The following FBXL7 variants were observed in gnomAD, a reference collection of about 807,000 sequenced individuals.
FBXL7 encodes F-box/LRR-repeat protein 7.
A neutral mutation model predicts 38.3 loss-of-function variants in FBXL7; 12 were observed. The ratio of observed to expected loss-of-function variants is 0.31; its 90% CI spans 0.20 to 0.51. The LOEUF is 0.51. FBXL7 is among the 20% of genes least tolerant of loss of function. The pLI, the probability that FBXL7 is intolerant of heterozygous loss-of-function variation, is 0.98. For synonymous variants in FBXL7, 297 were observed against 300.9 expected (o/e 0.99, Z 0.13); for missense variants, 567 against 676.4 (o/e 0.84, Z 1.79).
chr5:15,733,250 G>A, intron 2 of FBXL7, among the ~76,000 whole-genome samples: 1 of 151,986 alleles, frequency 6.6e-6, no homozygotes, highest in South Asian at 2.1e-4. Flanking sequence ...CCGCCACCAC[G>A]CCCGGCTAAT....
At chr5:15,869,644 G>A (rs779398116) in intron 2 of FBXL7, among the ~76,000 whole-genome samples, 3 of 151,990 alleles carry the variant, frequency 2.0e-5, no homozygotes, top group Non-Finnish European at 4.4e-5. Context: ...TTTGTTCGCC[G>A]CTGTATCCCC....
intron 2 of FBXL7, among the ~76,000 whole-genome samples, chr5:15,733,419 C>T (rs1735666221): frequency 6.6e-6 from 1 of 152,102 alleles, no homozygotes; most frequent in Non-Finnish European, 1.5e-5. Context: ...AACACAATTA[C>T]AAGAAGAAAA....
chr5:15,715,056 G>C (rs1007706892), intron 2 of FBXL7, among the ~76,000 whole-genome samples: 1 of 152,062 alleles, frequency 6.6e-6, no homozygotes, highest in African/African-American at 2.4e-5. Context: ...CCAACACCTT[G>C]ATTTTAGGAT....
At chr5:15,705,637 A>G (rs1296144915) in intron 2 of FBXL7, among the ~76,000 whole-genome samples, 1 of 152,184 alleles carries the variant, frequency 6.6e-6, no homozygotes, top group East Asian at 1.9e-4. Context: ...ATAGGAAAAT[A>G]ATATACAACA....
At chr5:15,667,247 T>G (rs538597906) in intron 2 of FBXL7, among the ~76,000 whole-genome samples, 93 of 152,314 alleles carry the variant, frequency 6.1e-4, no homozygotes, top group African/African-American at 2.1e-3. Flanking sequence ...TGATAATGCC[T>G]GCCAGAACTT....
At chr5:15,828,447 T>C (rs1738371846) in intron 2 of FBXL7, among the ~76,000 whole-genome samples, 1 of 152,226 alleles carries the variant, frequency 6.6e-6, no homozygotes. Flanking sequence ...AATCTGGCAA[T>C]CTTAAGTTGA....
chr5:15,518,517 A>G (rs1164277267), intron 1 of FBXL7, among the ~76,000 whole-genome samples: 5 of 152,162 alleles, frequency 3.3e-5, no homozygotes, highest in African/African-American at 1.2e-4. Flanking sequence ...TGTGGCTGGG[A>G]TATAATGCCT....
chr5:15,745,747 G>GAGC (rs1735998471), intron 2 of FBXL7, among the ~76,000 whole-genome samples: 2 of 152,234 alleles, frequency 1.3e-5, no homozygotes, highest in Admixed American at 1.3e-4. Context: ...CAGTAAGGGT[G>GAGC]AGCACAGTGG....
chr5:15,564,150 T>C (rs1738495165), intron 1 of FBXL7, among the ~76,000 whole-genome samples: 1 of 152,082 alleles, frequency 6.6e-6, no homozygotes, highest in Non-Finnish European at 1.5e-5. Context: ...TAGAATATTC[T>C]TCCTATCAAA....
intron 1 of FBXL7, among the ~76,000 whole-genome samples, chr5:15,521,857 A>G (rs913837357): frequency 3.3e-5 from 5 of 152,232 alleles, no homozygotes; most frequent in Non-Finnish European, 7.3e-5. Context: ...TTCTTGCTTT[A>G]TGTTGGATAA....
At chr5:15,563,590 T>C (rs905221656) in intron 1 of FBXL7, among the ~76,000 whole-genome samples, 8 of 152,170 alleles carry the variant, frequency 5.3e-5, no homozygotes, top group African/African-American at 1.4e-4. Flanking sequence ...CTTTAGAGGA[T>C]GTCATCCCTC....
At chr5:15,887,880 T>G (rs376598939) in intron 2 of FBXL7, among the ~76,000 whole-genome samples, 4 of 152,258 alleles carry the variant, frequency 2.6e-5, no homozygotes, top group East Asian at 1.9e-4. Flanking sequence ...AACAATAAAT[T>G]TCTTGGATTC....
intron 2 of FBXL7, among the ~76,000 whole-genome samples, chr5:15,898,874 A>G (rs1166009347): frequency 6.6e-6 from 1 of 152,068 alleles, no homozygotes. Flanking sequence ...GCCTTTGCCA[A>G]GTATTTATTT....
At chr5:15,893,717 C>A (rs1201011583) in intron 2 of FBXL7, among the ~76,000 whole-genome samples, 1 of 152,034 alleles carries the variant, frequency 6.6e-6, no homozygotes. Context: ...ACGGAGTTAT[C>A]CAATTGTGAT....
intron 1 of FBXL7, among the ~76,000 whole-genome samples, chr5:15,612,936 T>C (rs957851876): frequency 2.6e-5 from 4 of 152,240 alleles, no homozygotes; most frequent in African/African-American, 7.2e-5. Flanking sequence ...TCAATCATGT[T>C]AAACTAATGC....
At chr5:15,933,945 A>C (rs768590636) in intron 3 of FBXL7, among the ~76,000 whole-genome samples, 6 of 152,238 alleles carry the variant, frequency 3.9e-5, no homozygotes, top group African/African-American at 9.6e-5. Context: ...AATGAAATAC[A>C]TAAAAATATA....
chr5:15,779,018 A>G (rs1736926659), intron 2 of FBXL7, among the ~76,000 whole-genome samples: 2 of 152,094 alleles, frequency 1.3e-5, no homozygotes, highest in African/African-American at 4.8e-5. Flanking sequence ...GTGAATAAAA[A>G]CCTTATTTAC....
At chr5:15,716,687 T>C (rs1040273904) in intron 2 of FBXL7, among the ~76,000 whole-genome samples, 1 of 152,244 alleles carries the variant, frequency 6.6e-6, no homozygotes, top group Admixed American at 6.5e-5. Flanking sequence ...TTACAGATCC[T>C]TATATTCAGA....
At chr5:15,517,172 G>T (rs1054171865) in intron 1 of FBXL7, among the ~76,000 whole-genome samples, 1 of 151,944 alleles carries the variant, frequency 6.6e-6, no homozygotes, top group African/African-American at 2.4e-5. Context: ...GACCACAGTC[G>T]CCCGCCACCA....
Sources: gnomAD v4.1 joint callset for allele counts (sites outside exome capture counted in the v4.1 genomes callset) on GRCh38, gnomAD v4.1.1 for gene constraint, MANE v1.5 for transcripts, NCBI Gene and HGNC (gene_info 2026-07-23, HGNC 2026-07-21) for gene names.